Variants in USH2A observed in about 807,000 individuals in gnomAD.
USH2A encodes the protein usherin.
USH2A carries 443 observed loss-of-function variants against 538.9 expected under a neutral mutation model. The observed-to-expected ratio is 0.82, with a 90% CI of 0.76 to 0.89. The LOEUF is 0.89. Ranked by LOEUF, USH2A falls within the 40% of genes least tolerant of loss-of-function variation. The pLI, the probability that USH2A is intolerant of heterozygous loss-of-function variation, is 0.00. For synonymous variants in USH2A, 2,413 were observed against 2,273.5 expected, an observed-to-expected ratio of 1.06 and a Z score of -1.75; for missense variants, 6,633 against 6,324.8, an observed-to-expected ratio of 1.05 and a Z score of -1.65.
At chr1:215,808,651 T>C (rs1390083831) in intron 49 of USH2A, among the ~76,000 whole-genome samples, 1 of 152,126 alleles carries the variant, frequency 6.6e-6, no homozygotes, top group Non-Finnish European at 1.5e-5. Context: ...TTGTCTTGTA[T>C]AGTATGTCAT....
At chr1:216,213,564 A>T (rs1315192509) in intron 15 of USH2A, among the ~76,000 whole-genome samples, 2 of 152,034 alleles carry the variant, frequency 1.3e-5, no homozygotes, top group African/African-American at 4.8e-5. Flanking sequence ...TAGATGCTTA[A>T]CTCATACCAT....
chr1:216,137,224 G>A (rs1332118858), intron 21 of USH2A, among the ~76,000 whole-genome samples: 1 of 152,120 alleles, frequency 6.6e-6, no homozygotes, highest in African/African-American at 2.4e-5. Flanking sequence ...ATGACCATTT[G>A]GAGATGGAAC....
At chr1:215,893,301 G>A (rs908341941) in intron 40 of USH2A, among the ~76,000 whole-genome samples, 1 of 152,050 alleles carries the variant, frequency 6.6e-6, no homozygotes, top group Admixed American at 6.6e-5. Context: ...CCATCTTTTT[G>A]TTAATAACCA....
At chr1:215,786,580 G>A (rs1042635720) in intron 52 of USH2A, 90 bp downstream of exon 52, 53 of 1,378,288 alleles carry the variant, frequency 3.8e-5, no homozygotes, top group Non-Finnish European at 5.2e-5. Flanking sequence ...AGTTTAAGGA[G>A]AGTTGATGTC....
chr1:216,196,640 A>G lies in USH2A; in HGVS notation c.4164T>C (p.Asn1388=), dbSNP rs1392218317. The G allele has an allele frequency of 3.1e-6, 5 of 1,613,482 alleles. No homozygotes were observed. Among genetic ancestry groups the G allele is most frequent in the African/African-American group, 1.3e-5 (1 of 74,890 alleles). The change falls in exon 19 of 72, where the codon AAT becomes AAC. Residue 1388 remains asparagine (N), a synonymous_variant. Transcript: ENST00000307340. ...ACCCCACAACTTTTCCTCTTGTAAC[A>G]TTATCTGCTGGCTTCTCCCAGGAGA... is the stretch of plus-strand genomic sequence containing the variant. ...LNISWEKPAD[N]VTRGKVVGYD... is the part of the protein sequence containing the mutation.
chr1:215,961,694 C>T (rs572334410), intron 37 of USH2A, among the ~76,000 whole-genome samples: 8 of 151,630 alleles, frequency 5.3e-5, no homozygotes, highest in South Asian at 2.1e-4. Context: ...TATGTCCACA[C>T]GTATTTATTA....
chr1:216,053,528 C>T (rs952285982), intron 30 of USH2A, among the ~76,000 whole-genome samples: 42 of 150,474 alleles, frequency 2.8e-4, no homozygotes, highest in Admixed American at 6.6e-4. Context: ...TGCCTTTCAG[C>T]CACAAACTCT....
At chr1:216,062,064 T>C (rs942932826) in intron 30 of USH2A, among the ~76,000 whole-genome samples, 8 of 152,130 alleles carry the variant, frequency 5.3e-5, no homozygotes, top group African/African-American at 1.9e-4. Context: ...AACTAAACTA[T>C]GGAGTTGAGT....
chr1:215,878,669 T>A, intron 42 of USH2A, 95 bp downstream of exon 42: 1 of 1,283,636 alleles, frequency 7.8e-7, no homozygotes, highest in South Asian at 1.3e-5. Context: ...AAATTAGTTC[T>A]ATGTTCATAT....
At chr1:216,328,224 G>A (rs2037775438) in intron 4 of USH2A, among the ~76,000 whole-genome samples, 1 of 152,102 alleles carries the variant, frequency 6.6e-6, no homozygotes, top group African/African-American at 2.4e-5. Context: ...TAGTATCATA[G>A]TTCACTCTCA....
intron 36 of USH2A, 150 bp from the exon 37 acceptor site, chr1:215,965,629 A>C: frequency 1.1e-6 from 1 of 885,458 alleles, no homozygotes; most frequent in Non-Finnish European, 1.7e-6. Flanking sequence ...TGTCAGCAGG[A>C]TCAAAGCACA....
chr1:215,627,423 TC>T (rs1282086007), intron 71 of USH2A, among the ~76,000 whole-genome samples: 4,441 of 125,402 alleles, frequency 0.035, 286 homozygotes, highest in African/African-American at 0.072. Flanking sequence ...CTTCCTTCCT[TC>T]CTTCCTTCCT....
At chr1:216,374,420 G>A (rs1442942486) in intron 3 of USH2A, among the ~76,000 whole-genome samples, 4 of 151,872 alleles carry the variant, frequency 2.6e-5, no homozygotes, top group Non-Finnish European at 5.9e-5. Context: ...ATTAAATTCA[G>A]GTGATACAGT....
chr1:215,992,995 C>T (rs1250787347), intron 35 of USH2A, 25 bp downstream of exon 35: 1 of 1,613,930 alleles, frequency 6.2e-7, no homozygotes, highest in African/African-American at 1.3e-5. Flanking sequence ...ATCTTTTTAA[C>T]TTGAGGCTAA....
intron 58 of USH2A, among the ~76,000 whole-genome samples, chr1:215,744,474 G>C (rs550172241): frequency 2.6e-5 from 4 of 152,274 alleles, no homozygotes; most frequent in Non-Finnish European, 5.9e-5. Context: ...CTATTACATT[G>C]TCTCCTTGAT....
rs1255827534 is a variant in USH2A, at chr1:215,628,812, A to C, written c.15519+2T>G. On this transcript the variant is annotated splice_donor_variant, in intron 71 of 71. Coordinates refer to ENST00000307340, the MANE Select transcript of USH2A (RefSeq NM_206933.4). LOFTEE classifies it high-confidence loss of function. ...AGGCCCTGTATGAGGAAACCAACTC[A>C]CCAGTCCACTGTTGTGGCCCATGAT... The C allele has an allele frequency of 6.2e-7, 1 of 1,614,026 alleles. No homozygotes were observed. Among genetic ancestry groups the C allele is most frequent in the Admixed American group, 1.7e-5 (1 of 60,008 alleles).
rs569680762 is a variant in USH2A at position 216,370,646 on chromosome 1, C to G, written c.652-5561G>C. Among the ~76,000 whole-genome samples the G allele has an allele frequency of 2.7e-5, 3 of 112,514 alleles. No individual in the cohort carries two copies. In the South Asian group the frequency reaches 9.6e-4, roughly 36 times the overall value. 73.8% of individuals were successfully genotyped at this position (112,514 alleles called of 152,430 possible). A position where few individuals can be genotyped will look rare whatever the true frequency, so the allele number is the denominator to read the frequency against. On this transcript the variant is annotated intron_variant, in intron 3 of 71. Coordinates refer to ENST00000307340, the MANE Select transcript of USH2A (RefSeq NM_206933.4). Reference sequence around the variant, plus strand: ...TGAGCCGAGATCGCGCCACTGCACTCCAGCTTGGGGAACAGAGCCAGACTC... The same window carrying G: ...TGAGCCGAGATCGCGCCACTGCACTGCAGCTTGGGGAACAGAGCCAGACTC...
At chr1:215,731,775 A>C (rs1466704344) in intron 60 of USH2A, among the ~76,000 whole-genome samples, 1 of 152,188 alleles carries the variant, frequency 6.6e-6, no homozygotes, top group East Asian at 1.9e-4. Flanking sequence ...AACCCAATGC[A>C]CCATAACAAT....
chr1:215,866,156 G>A (rs1335009230), intron 44 of USH2A, among the ~76,000 whole-genome samples: 1 of 152,130 alleles, frequency 6.6e-6, no homozygotes, highest in Non-Finnish European at 1.5e-5. Context: ...GAAACTATTT[G>A]CCAGATCTCA....
Sources: allele counts gnomAD v4.1 joint callset (sites outside exome capture counted in the v4.1 genomes callset), GRCh38; gene constraint gnomAD v4.1.1; transcripts MANE v1.5; gene names NCBI Gene and HGNC (gene_info 2026-07-23, HGNC 2026-07-21).